Variants in PABPC5 observed in about 807,000 individuals in gnomAD.
PABPC5 encodes poly(A) binding protein cytoplasmic 5.
A neutral mutation model predicts 12.6 loss-of-function variants in PABPC5; 6 were observed. The ratio of observed to expected loss-of-function variants is 0.48; its 90% CI spans 0.26 to 0.94. The LOEUF is 0.94. PABPC5 is among the 40% of genes least tolerant of loss of function. PABPC5 has a pLI of 0.14. For synonymous variants in PABPC5, 124 were observed against 118.4 expected (o/e 1.05, Z -0.31); for missense variants, 244 against 302.8 (o/e 0.81, Z 1.44).
At position 91,436,819 on chromosome X, in the gene PABPC5, GT is replaced by G. The variant is rs904900359; in HGVS notation, c.*102del. On this transcript the variant is annotated 3_prime_UTR_variant, in exon 2 of 2. Transcript: ENST00000312600. ...GGGGTTATTTTATGCTAATTCACAAGTTTTTTTTTGAAGTGAATTCTTTTGA... is the reference window on the plus strand; with the variant it reads ...GGGGTTATTTTATGCTAATTCACAAGTTTTTTTTGAAGTGAATTCTTTTGA... 1.7e-4 allele frequency: 134 copies of G among 794,454 alleles called. No individual in the cohort carries two copies. Among genetic ancestry groups the G allele is most frequent in the African/African-American group, 7.5e-4 (34 of 45,430 alleles). 65.5% of individuals were successfully genotyped at this position (794,454 alleles called of 1,213,427 possible). A position where few individuals can be genotyped will look rare whatever the true frequency, so the allele number is the denominator to read the frequency against.
rs770896837 is a variant in PABPC5, at chrX:91,436,045, C to G, written c.468C>G (p.Ala156=). The change falls in exon 2 of 2, where the codon GCC becomes GCG. Residue 156 remains alanine (A), a synonymous_variant. Transcript: ENST00000312600. Reference sequence around the variant, plus strand: ...CCTATGTTCACTTTGACAGCCTGGCCGCTGCCAATAGAGCCATCTGGCACA... The same window carrying G: ...CCTATGTTCACTTTGACAGCCTGGCGGCTGCCAATAGAGCCATCTGGCACA... ...GYAYVHFDSL[A]AANRAIWHMN... The G allele has an allele frequency of 3.3e-6, 4 of 1,211,689 alleles. No homozygotes were observed. In the East Asian group the frequency reaches 1.2e-4, roughly 36 times the overall value.
rs374850693 is a variant in PABPC5 at position 91,436,617 on chromosome X, G to A, written c.1040G>A (p.Cys347Tyr). The A allele has an allele frequency of 2.5e-6, 3 of 1,211,761 alleles. No homozygotes were observed. Among genetic ancestry groups the A allele is most frequent in the Non-Finnish European group, 3.3e-6 (3 of 895,525 alleles). Reference protein sequence around the residue: ...VGQGKGFGVVCFSSFEEATKA... With the variant: ...VGQGKGFGVVYFSSFEEATKA... ...CAAGGCAAAGGATTTGGTGTGGTCT[G>A]CTTTTCCTCTTTTGAAGAGGCTACC... The change falls in exon 2 of 2, where the codon TGC (cysteine) becomes TAC (tyrosine). Residue 347 changes from cysteine to tyrosine, a missense_variant. Cys to Tyr is a radical substitution (Grantham distance 194, BLOSUM62 -2). Transcript: ENST00000312600.
rs372895161 is a variant in PABPC5 at position 91,436,829 on chromosome X, G to C, written c.*103G>C. 1.4e-6 allele frequency: 1 copy of C among 736,158 alleles called. No homozygotes were observed. The highest frequency in any genetic ancestry group is 1.9e-6 in the Non-Finnish European group (1 of 533,992). The allele number at this position is 736,158 out of a possible 1,213,427, so 60.7% of individuals were successfully genotyped here. On this transcript the variant is annotated 3_prime_UTR_variant, in exon 2 of 2. Transcript: ENST00000312600. ...TATGCTAATTCACAAGTTTTTTTTT[G>C]AAGTGAATTCTTTTGAAAAAAAAAT...
chrX:91,435,912 A>T lies in PABPC5; in HGVS notation c.335A>T (p.Asn112Ile). 1 of 1,211,500 alleles carries T rather than the reference A, an allele frequency of 8.3e-7. No individual in the cohort carries two copies. The highest frequency in any genetic ancestry group is 1.1e-6 in the Non-Finnish European group (1 of 895,070). Residue 112 changes from asparagine to isoleucine, a missense_variant, in exon 2 of 2, where the codon AAC becomes ATC. Asn to Ile is a moderately radical substitution (Grantham distance 149, BLOSUM62 -3). Coordinates refer to ENST00000312600, the MANE Select transcript of PABPC5 (RefSeq NM_080832.3). ...GGAGTGGGAAATATATTCATCAAAA[A>T]CCTGGACAAATCCATAGACAATAGG... ...KSGVGNIFIK[N>I]LDKSIDNRAL...
rs201810493 is a variant in PABPC5 at position 91,436,586 on chromosome X, G to T, written c.1009G>T (p.Val337Leu). Residue 337 changes from valine to leucine, a missense_variant, in exon 2 of 2, where the codon GTG (valine) becomes TTG (leucine). By Grantham distance (32) the Val-to-Leu change is conservative. This residue lies in a region of PABPC5 where 211 missense variants were observed against 261.5 expected (regional missense o/e 0.81). Transcript: ENST00000312600. ...TAGTCGGGCCAAAGTGATGATGGAA[G>T]TGGGGCAAGGCAAAGGATTTGGTGT... ...SISRAKVMME[V>L]GQGKGFGVVC... 1 of 1,212,126 alleles carries T rather than the reference G, an allele frequency of 8.2e-7. No homozygotes were observed. The highest frequency in any genetic ancestry group is 1.8e-5 in the South Asian group (1 of 57,036).
At position 91,436,644 on chromosome X, in the gene PABPC5, A is replaced by G; in HGVS notation, c.1067A>G (p.Lys356Arg). The change falls in exon 2 of 2, where the codon AAA (lysine) becomes AGA (arginine). Residue 356 changes from lysine (K) to arginine (R), a missense_variant. Coordinates refer to ENST00000312600, the MANE Select transcript of PABPC5 (RefSeq NM_080832.3). The stretch of plus-strand genomic sequence containing the variant: ...TTTTCCTCTTTTGAAGAGGCTACCA[A>G]AGCAGTGGATGAGATGAATGGCCGC... ...VCFSSFEEATKAVDEMNGRIV... is the reference protein window; with the variant it reads ...VCFSSFEEATRAVDEMNGRIV... The G allele has an allele frequency of 8.3e-7, 1 of 1,211,322 alleles. No homozygotes were observed. The highest frequency in any genetic ancestry group is 1.8e-5 in the South Asian group (1 of 56,957).
Position 91,435,585 on chromosome X carries a change from G to A in PABPC5, c.8G>A (p.Ser3Asn). 1 of 1,203,268 alleles carries A rather than the reference G, an allele frequency of 8.3e-7. No homozygotes were observed. Among genetic ancestry groups the A allele is most frequent in the South Asian group, 1.8e-5 (1 of 55,631 alleles). Residue 3 changes from serine (S) to asparagine (N), a missense_variant, in exon 2 of 2, where the codon AGC (serine) becomes AAC (asparagine). This residue lies in a region of PABPC5 where 29 missense variants were observed against 20.5 expected (regional missense o/e 1.41). Coordinates refer to ENST00000312600, the MANE Select transcript of PABPC5 (RefSeq NM_080832.3). ...CTCCCAGTGCTCAGAGAGATGGGGA[G>A]CGGGGAGCCTAATCCTGCTGGCAAG... Reference protein sequence around the residue: MGSGEPNPAGKKK... With the variant: MGNGEPNPAGKKK...
chrX:91,436,309 G>A lies in PABPC5; in HGVS notation c.732G>A (p.Val244=). The change falls in exon 2 of 2, where the codon GTG becomes GTA. Residue 244 remains valine (V), a synonymous_variant. Transcript: ENST00000312600. Reference sequence around the variant, plus strand: ...GGAAATCTAAAGGCTTTGGATTTGTGAGATATGAGACACACGAGGCTGCCC... The same window carrying A: ...GGAAATCTAAAGGCTTTGGATTTGTAAGATATGAGACACACGAGGCTGCCC... ...ASGKSKGFGF[V]RYETHEAAQK... is the part of the protein sequence containing the mutation. The A allele has an allele frequency of 8.3e-7, 1 of 1,211,818 alleles. No homozygotes were observed. The highest frequency in any genetic ancestry group is 1.1e-6 in the Non-Finnish European group (1 of 895,608).
At chrX:91,435,340 C>T (rs969160041) in intron 1 of PABPC5, 95 bp from the exon 2 acceptor site, 2 of 325,017 alleles carry the variant, frequency 6.2e-6, no homozygotes, top group African/African-American at 5.4e-5. Flanking sequence ...TTTAAGTCCC[C>T]GCAGGGAGAA....
chrX:91,436,893 T>C lies in PABPC5; in HGVS notation c.*167T>C. ...ACTTTATTCATTTTAGAATAGAACATAATTTCTAACTGTAAAATTGTCATT... is the reference window on the plus strand; with the variant it reads ...ACTTTATTCATTTTAGAATAGAACACAATTTCTAACTGTAAAATTGTCATT... On this transcript the variant is annotated 3_prime_UTR_variant, in exon 2 of 2. Coordinates refer to ENST00000312600, the MANE Select transcript of PABPC5 (RefSeq NM_080832.3). 2.2e-6 allele frequency: 1 copy of C among 450,050 alleles called. No homozygotes were observed. Among genetic ancestry groups the C allele is most frequent in the Non-Finnish European group, 3.7e-6 (1 of 272,972 alleles). The allele number at this position is 450,050 out of a possible 1,213,427, so 37.1% of individuals were successfully genotyped here. A position where few individuals can be genotyped will look rare whatever the true frequency, so the allele number is the denominator to read the frequency against.
rs770896837 is a variant in PABPC5 at position 91,436,045 on chromosome X, C to T, written c.468C>T (p.Ala156=). Residue 156 remains alanine, a synonymous_variant, in exon 2 of 2, where the codon GCC becomes GCT. Coordinates refer to ENST00000312600, the MANE Select transcript of PABPC5 (RefSeq NM_080832.3). Reference sequence around the variant, plus strand: ...CCTATGTTCACTTTGACAGCCTGGCCGCTGCCAATAGAGCCATCTGGCACA... The same window carrying T: ...CCTATGTTCACTTTGACAGCCTGGCTGCTGCCAATAGAGCCATCTGGCACA... ...GYAYVHFDSL[A]AANRAIWHMN... 4 of 1,211,689 alleles carry T rather than the reference C, an allele frequency of 3.3e-6. No homozygotes were observed. In the Admixed American group the frequency reaches 6.5e-5, roughly 20 times the overall value.
rs1466067287 is a variant in PABPC5, at chrX:91,437,212, A to G, written c.*486A>G. On this transcript the variant is annotated 3_prime_UTR_variant, in exon 2 of 2. Coordinates refer to ENST00000312600, the MANE Select transcript of PABPC5 (RefSeq NM_080832.3). The stretch of plus-strand genomic sequence containing the variant: ...ATTATGCAAAAATGAATGTTTTTTC[A>G]AAAAATGTGAAATGTATTTTATTTT... The G allele has an allele frequency of 8.1e-6, 1 of 124,198 alleles. No individual in the cohort carries two copies. The highest frequency in any genetic ancestry group is 1.9e-5 in the Non-Finnish European group (1 of 53,711). 10.2% of individuals were successfully genotyped at this position (124,198 alleles called of 1,213,427 possible). A position where few individuals can be genotyped will look rare whatever the true frequency, so the allele number is the denominator to read the frequency against.
Position 91,436,152 on chromosome X carries a change from C to G in PABPC5, c.575C>G (p.Thr192Ser). The G allele has an allele frequency of 8.3e-7, 1 of 1,211,152 alleles. No homozygotes were observed. The highest frequency in any genetic ancestry group is 1.1e-6 in the Non-Finnish European group (1 of 895,350). ...GAAGAGCGGGCGGCTGAGGTCAGAA[C>G]CAGGGATAGAGCAACTTTCACCAAT... ...FPEERAAEVRTRDRATFTNVF... is the reference protein window; with the variant it reads ...FPEERAAEVRSRDRATFTNVF... Residue 192 changes from threonine to serine, a missense_variant, in exon 2 of 2, where the codon ACC becomes AGC. Around this residue, in one of 3 missense-constraint regions of PABPC5, gnomAD observed 211 missense variants for 261.5 expected, o/e 0.81. Coordinates refer to ENST00000312600, the MANE Select transcript of PABPC5 (RefSeq NM_080832.3).
In PABPC5 at chrX:91,435,900, T is replaced by C. The variant is rs144869453; in HGVS notation, c.323T>C (p.Ile108Thr). 1.3e-4 allele frequency: 157 copies of C among 1,209,981 alleles called. No homozygotes were observed. The highest frequency in any genetic ancestry group is 4.6e-4 in the Middle Eastern group (2 of 4,354). Residue 108 changes from isoleucine to threonine, a missense_variant, in exon 2 of 2, where the codon ATA (isoleucine) becomes ACA (threonine). This residue lies in a region of PABPC5 where 211 missense variants were observed against 261.5 expected (regional missense o/e 0.81). Transcript: ENST00000312600. ...TTAAGAAAGTCTGGAGTGGGAAATA[T>C]ATTCATCAAAAACCTGGACAAATCC... ...DRLRKSGVGN[I>T]FIKNLDKSID... is the part of the protein sequence containing the mutation.
chrX:91,436,296 G>A lies in PABPC5; in HGVS notation c.719G>A (p.Gly240Asp), dbSNP rs1602670854. The change falls in exon 2 of 2, where the codon GGC becomes GAC. Residue 240 changes from glycine (G) to aspartate (D), a missense_variant. Physicochemically the swap from Gly to Asp is moderately conservative, Grantham distance 94 (BLOSUM62 -1). This residue lies in a region of PABPC5 where 211 missense variants were observed against 261.5 expected (regional missense o/e 0.81). Transcript: ENST00000312600. ...AGAGATGCCAGTGGGAAATCTAAAG[G>A]CTTTGGATTTGTGAGATATGAGACA... ...VIRDASGKSK[G>D]FGFVRYETHE... The A allele has an allele frequency of 8.3e-7, 1 of 1,211,577 alleles. No homozygotes were observed. The highest frequency in any genetic ancestry group is 1.1e-6 in the Non-Finnish European group (1 of 895,398).
rs1401037049 is a variant in PABPC5, at chrX:91,438,131, G to A, written c.*1405G>A. ...TGCCACAGATTCAACATTAGAATAT[G>A]TTTTATCTCTACTGTCAGTTTTATT... On this transcript the variant is annotated 3_prime_UTR_variant, in exon 2 of 2. Transcript: ENST00000312600. 1 of 122,784 alleles carries A rather than the reference G, an allele frequency of 8.1e-6. No homozygotes were observed. The highest frequency in any genetic ancestry group is 9.5e-5 in the Admixed American group (1 of 10,481). The allele number at this position is 122,784 out of a possible 1,213,427, so 10.1% of individuals were successfully genotyped here. A position where few individuals can be genotyped will look rare whatever the true frequency, so the allele number is the denominator to read the frequency against.
At position 91,435,880 on chromosome X, in the gene PABPC5, A is replaced by G. The variant is rs1175600553; in HGVS notation, c.303A>G (p.Arg101=). 2 of 1,211,941 alleles carry G rather than the reference A, an allele frequency of 1.7e-6. No homozygotes were observed. Among genetic ancestry groups the G allele is most frequent in the East Asian group, 5.9e-5 (2 of 33,848 alleles). ...GGTCTCAGCCAGATGACCGCTTAAG[A>G]AAGTCTGGAGTGGGAAATATATTCA... ...LMWSQPDDRL[R]KSGVGNIFIK... The change falls in exon 2 of 2, where the codon AGA becomes AGG. Residue 101 remains arginine (R), a synonymous_variant. Transcript: ENST00000312600.
rs986162102 is a variant in PABPC5, at chrX:91,437,763, T to C, written c.*1037T>C. On this transcript the variant is annotated 3_prime_UTR_variant, in exon 2 of 2. Coordinates refer to ENST00000312600, the MANE Select transcript of PABPC5 (RefSeq NM_080832.3). ...TGTTTCAAAGGTAAGGAATAGGTTG[T>C]CTCTTGGATTAAGTCATATGCCTCC... 3 of 122,178 alleles carry C rather than the reference T, an allele frequency of 2.5e-5. No individual in the cohort carries two copies. The highest frequency in any genetic ancestry group is 9.8e-5 in the African/African-American group (3 of 30,584). 10.1% of individuals were successfully genotyped at this position (122,178 alleles called of 1,213,427 possible). A position where few individuals can be genotyped will look rare whatever the true frequency, so the allele number is the denominator to read the frequency against.
Position 91,435,465 on chromosome X carries a change from C to A in PABPC5, c.-113C>A. The A allele has an allele frequency of 1.4e-6, 1 of 703,396 alleles. No homozygotes were observed. The highest frequency in any genetic ancestry group is 2.1e-6 in the Non-Finnish European group (1 of 486,784). 58.0% of individuals were successfully genotyped at this position (703,396 alleles called of 1,213,427 possible). On this transcript the variant is annotated 5_prime_UTR_variant, in exon 2 of 2. Transcript: ENST00000312600. ...ACAGTGATTCTGAGTCTGCTTTTAG[C>A]TTCCTTTTGCCTGCCTTGGCTTTTT...
Sources: gnomAD v4.1 joint callset for allele counts on GRCh38, gnomAD v4.1.1 for gene constraint, gnomAD v4.1.1 regional missense constraint, MANE v1.5 for transcripts, NCBI Gene and HGNC (gene_info 2026-07-23, HGNC 2026-07-21) for gene names.